FRYL: variants seen among roughly 807,000 people sequenced by gnomAD.
FRYL encodes protein furry homolog-like.
Under a neutral mutation model 351.2 loss-of-function variants are expected in FRYL, and 150 were observed. That is an observed-to-expected ratio of 0.43 (90% confidence interval 0.37 to 0.49). The LOEUF (loss-of-function observed/expected upper bound fraction) is 0.49. Ranked by LOEUF, FRYL falls within the 20% of genes least tolerant of loss-of-function variation. FRYL has a pLI of 0.00. For synonymous variants in FRYL, 1,153 were observed against 1,257.1 expected (o/e 0.92, Z 1.75); for missense variants, 3,036 against 3,619.3 (o/e 0.84, Z 4.13).
intron 7 of FRYL, among the ~76,000 whole-genome samples, chr4:48,612,913 A>G (rs546963465): frequency 1.5e-3 from 221 of 150,322 alleles, no homozygotes; most frequent in Non-Finnish European, 2.4e-3. Flanking sequence ...ATTATTAGTT[A>G]TTGTTGTAAA....
chr4:48,713,098 A>G (rs183405512), intron 1 of FRYL, among the ~76,000 whole-genome samples: 16 of 152,306 alleles, frequency 1.1e-4, no homozygotes, highest in African/African-American at 3.6e-4. Flanking sequence ...ATGGAAAGGA[A>G]CGACCGGTAC....
At chr4:48,537,440 T>A (rs1729129241) in intron 47 of FRYL, among the ~76,000 whole-genome samples, 1 of 152,218 alleles carries the variant, frequency 6.6e-6, no homozygotes, top group Non-Finnish European at 1.5e-5. Flanking sequence ...ATATTTGTCC[T>A]AAGTGTTGCC....
In FRYL at chr4:48,499,695, T is replaced by C; in HGVS notation, c.8784-15A>G. The C allele has an allele frequency of 1.9e-6, 3 of 1,610,340 alleles. No homozygotes were observed. The highest frequency in any genetic ancestry group is 2.5e-6 in the Non-Finnish European group (3 of 1,177,812). Reference sequence around the variant, plus strand: ...GCCAGAGAGATCTGAAAATACACAATAGTTTTTCAGTTCTGAGACTTAGGC... The same window carrying C: ...GCCAGAGAGATCTGAAAATACACAACAGTTTTTCAGTTCTGAGACTTAGGC... On this transcript the variant is annotated splice_polypyrimidine_tract_variant and intron_variant, in intron 63 of 63. Coordinates refer to ENST00000358350, the MANE Select transcript of FRYL (RefSeq NM_015030.2).
chr4:48,531,429 T>C (rs551086063), intron 49 of FRYL, 76 bp from the exon 50 acceptor site: 130 of 829,238 alleles, frequency 1.6e-4, no homozygotes, highest in South Asian at 9.2e-4. Flanking sequence ...CTGTACACCA[T>C]AAAAATATTA....
chr4:48,664,423 G>C (rs1417361241), intron 3 of FRYL, among the ~76,000 whole-genome samples: 1 of 152,190 alleles, frequency 6.6e-6, no homozygotes, highest in Non-Finnish European at 1.5e-5. Flanking sequence ...TAAGGAAACA[G>C]ATTTCCAATT....
rs1553957647 is a variant in FRYL at position 48,632,106 on chromosome 4, A to ATGTG, written c.120+2184_120+2185insCACA. On this transcript the variant is annotated intron_variant, in intron 4 of 63. Coordinates refer to ENST00000358350, the MANE Select transcript of FRYL (RefSeq NM_015030.2). ...AAAAAAAAAAAATATATATATATAT[A>ATGTG]TATATATATATATATATATATATGC... Among the ~76,000 whole-genome samples, 51 of 58,166 alleles carry ATGTG rather than the reference A, an allele frequency of 8.8e-4. 3 individuals carry two copies. The South Asian group carries it at 0.022, about 25-fold the overall frequency. 38.2% of individuals were successfully genotyped at this position (58,166 alleles called of 152,430 possible). A position where few individuals can be genotyped will look rare whatever the true frequency, so the allele number is the denominator to read the frequency against.
intron 1 of FRYL, among the ~76,000 whole-genome samples, chr4:48,739,298 G>A (rs1344699228): frequency 5.9e-5 from 9 of 151,832 alleles, no homozygotes; most frequent in Admixed American, 5.9e-4. Flanking sequence ...CTACTCAGGA[G>A]GCTGAGAAAG....
rs182382658 is a variant in FRYL, at chr4:48,540,771, T to A, written c.5877A>T (p.Thr1959=). ...TTATCCGTCCATCCATTATATCCAGTGTGTTACTCCGCCGCCGGTCACCTC... is the reference window on the plus strand; with the variant it reads ...TTATCCGTCCATCCATTATATCCAGAGTGTTACTCCGCCGCCGGTCACCTC... ...DRRGDRRRSN[T]LDIMDGRINH... The change falls in exon 46 of 64, where the codon ACA becomes ACT. Residue 1959 remains threonine (T), a synonymous_variant. Transcript: ENST00000358350. The A allele has an allele frequency of 4.6e-5, 74 of 1,613,968 alleles. 1 individual carries two copies. The East Asian group carries it at 1.6e-3, about 36-fold the overall frequency.
chr4:48,737,824 C>A (rs1452162679), intron 1 of FRYL, among the ~76,000 whole-genome samples: 1 of 152,144 alleles, frequency 6.6e-6, no homozygotes, highest in Non-Finnish European at 1.5e-5. Context: ...CATTTAAAAT[C>A]ATTAATGTAA....
intron 53 of FRYL, among the ~76,000 whole-genome samples, chr4:48,526,270 A>C (rs1048966621): frequency 2.0e-5 from 3 of 152,186 alleles, no homozygotes; most frequent in Non-Finnish European, 4.4e-5. Context: ...TTGCATACAG[A>C]TATTTGTAGC....
chr4:48,647,068 A>G (rs1265284382), intron 3 of FRYL, among the ~76,000 whole-genome samples: 2 of 152,224 alleles, frequency 1.3e-5, no homozygotes, highest in African/African-American at 4.8e-5. Context: ...ATGGAATACC[A>G]AAGTTTGATA....
chr4:48,633,823 T>C (rs1198030034), intron 4 of FRYL, among the ~76,000 whole-genome samples: 2 of 152,168 alleles, frequency 1.3e-5, no homozygotes, highest in African/African-American at 4.8e-5. Context: ...CTCTCTCTAT[T>C]GTTCAACCAC....
chr4:48,507,084 C>T (rs1233473043), intron 59 of FRYL, among the ~76,000 whole-genome samples: 1 of 152,078 alleles, frequency 6.6e-6, no homozygotes, highest in Non-Finnish European at 1.5e-5. Flanking sequence ...TTATCTTGTC[C>T]AGTTTGTCCA....
chr4:48,498,936 C>CTGCA lies in FRYL; in HGVS notation c.*482_*485dup, dbSNP rs1291193800. On this transcript the variant is annotated 3_prime_UTR_variant, in exon 64 of 64. Coordinates refer to ENST00000358350, the MANE Select transcript of FRYL (RefSeq NM_015030.2). ...AACGAGTCTTGATGCGTATAGCTGA[C>CTGCA]TGCATGTTCATGTGGATGGATGATT... The CTGCA allele has an allele frequency of 5.7e-6, 1 of 174,532 alleles. No individual in the cohort carries two copies. The highest frequency in any genetic ancestry group is 1.2e-5 in the Non-Finnish European group (1 of 81,344). 10.8% of individuals were successfully genotyped at this position (174,532 alleles called of 1,614,324 possible).
At chr4:48,565,828 G>T in intron 28 of FRYL, 137 bp from the exon 29 acceptor site, 1 of 802,254 alleles carries the variant, frequency 1.2e-6, no homozygotes, top group Non-Finnish European at 1.9e-6. Context: ...AAACCTCCGC[G>T]GTAGCAGGGA....
chr4:48,761,652 T>C (rs1560368363), intron 1 of FRYL, among the ~76,000 whole-genome samples: 1 of 152,168 alleles, frequency 6.6e-6, no homozygotes, highest in Non-Finnish European at 1.5e-5. Flanking sequence ...TTTGTTTAGA[T>C]ACAAGAAAGT....
chr4:48,575,175 T>G lies in FRYL; in HGVS notation c.2788A>C (p.Met930Leu). ...AGAACAAGGGATTCTGTGATTTCCA[T>G]GCTCTCAGAACGCATCATTGGAACT... ...HIVPMMRSES[M>L]EITESLVLGL... Residue 930 changes from methionine (M) to leucine (L), a missense_variant, in exon 25 of 64, where the codon ATG becomes CTG. Met to Leu is a conservative substitution (Grantham distance 15). This residue lies in a region of FRYL where 492 missense variants were observed against 551.5 expected (regional missense o/e 0.89). Coordinates refer to ENST00000358350, the MANE Select transcript of FRYL (RefSeq NM_015030.2). 1 of 1,613,922 alleles carries G rather than the reference T, an allele frequency of 6.2e-7. No homozygotes were observed. The highest frequency in any genetic ancestry group is 1.1e-5 in the South Asian group (1 of 91,076).
intron 1 of FRYL, among the ~76,000 whole-genome samples, chr4:48,754,668 G>GT (rs1195942954): frequency 0.49 from 70,020 of 141,750 alleles, 17,463 homozygotes; most frequent in South Asian, 0.6. Flanking sequence ...TTTTTTTGGG[G>GT]TTTTTTTTTT....
At chr4:48,760,167 CT>C (rs1035167241) in intron 1 of FRYL, among the ~76,000 whole-genome samples, 98 of 145,830 alleles carry the variant, frequency 6.7e-4, no homozygotes, top group Non-Finnish European at 7.1e-4. Flanking sequence ...GAAGCCCTCA[CT>C]TTTTTTTTTT....
Sources: allele counts gnomAD v4.1 joint callset (sites outside exome capture counted in the v4.1 genomes callset), GRCh38; gene constraint gnomAD v4.1.1; regional missense constraint gnomAD v4.1.1; transcripts MANE v1.5; gene names NCBI Gene and HGNC (gene_info 2026-07-23, HGNC 2026-07-21).